Variants in KLRG1 observed in about 807,000 individuals in gnomAD.
KLRG1 encodes killer cell lectin-like receptor subfamily G member 1.
In KLRG1, 16 loss-of-function variants were observed where a neutral mutation model predicts 21.8. The observed-to-expected ratio is 0.73, with a 90% CI of 0.50 to 1.11. The LOEUF (loss-of-function observed/expected upper bound fraction) is 1.11. Ranked by LOEUF, KLRG1 falls within the 50% of genes most tolerant of loss-of-function variation. KLRG1 has a pLI of 0.00. For missense variants in KLRG1, 173 were observed against 218.3 expected (o/e 0.79, Z 1.31); for synonymous variants, 69 against 75.9 (o/e 0.91, Z 0.47).
the KLRG1 span, among the ~76,000 whole-genome samples, chr12:9,153,550 AT>A: frequency 6.6e-6 from 1 of 152,256 alleles, no homozygotes; most frequent in East Asian, 1.9e-4. Flanking sequence ...AAGGCTAATA[AT>A]GTTTATTAAT....
At chr12:9,109,417 T>C in the KLRG1 span, 6 of 1,605,076 alleles carry the variant, frequency 3.7e-6, no homozygotes, top group Non-Finnish European at 5.1e-6. Flanking sequence ...TGTTGATTGG[T>C]GATAAAGAAG....
chr12:9,144,039 G>C, the KLRG1 span, among the ~76,000 whole-genome samples: 1 of 152,236 alleles, frequency 6.6e-6, no homozygotes, highest in Middle Eastern at 3.2e-3. Flanking sequence ...TGGCATACCT[G>C]ACTTTCCCGG....
chr12:9,135,549 C>T, the KLRG1 span: 1 of 346,042 alleles, frequency 2.9e-6, no homozygotes. Context: ...TTCTCTTGGG[C>T]AGAACCAGCC....
At chr12:9,049,494 G>C in the KLRG1 span, among the ~76,000 whole-genome samples, 1 of 152,108 alleles carries the variant, frequency 6.6e-6, no homozygotes, top group Non-Finnish European at 1.5e-5. Flanking sequence ...TTGTTTCTAA[G>C]AAAATAAAAC....
rs1164926181 is a variant in KLRG1, at chr12:9,010,497, G to A, written c.*960G>A. 1 of 153,866 alleles carries A rather than the reference G, an allele frequency of 6.5e-6. No individual in the cohort carries two copies. The highest frequency in any genetic ancestry group is 6.5e-5 in the Admixed American group (1 of 15,400). 9.5% of individuals were successfully genotyped at this position (153,866 alleles called of 1,614,324 possible). Reference sequence around the variant, plus strand: ...TCACCAAATTATCTTAGGTACTAAGGCCTCAAAAATAAGAAAAACTTTATT... The same window carrying A: ...TCACCAAATTATCTTAGGTACTAAGACCTCAAAAATAAGAAAAACTTTATT... On this transcript the variant is annotated 3_prime_UTR_variant, in exon 5 of 5. Transcript: ENST00000356986.
the KLRG1 span, chr12:9,074,584 G>A: frequency 8.1e-6 from 13 of 1,612,520 alleles, no homozygotes; most frequent in African/African-American, 1.3e-5. Flanking sequence ...AACCGCCCTG[G>A]GCATTCTGCT....
the KLRG1 span, chr12:9,028,199 T>A: frequency 1.7e-6 from 1 of 588,982 alleles, no homozygotes; most frequent in South Asian, 1.9e-5. Flanking sequence ...TCACCTAGGC[T>A]GGAATGCAAT....
chr12:9,072,080 A>T, the KLRG1 span, among the ~76,000 whole-genome samples: 1 of 152,230 alleles, frequency 6.6e-6, no homozygotes, highest in Non-Finnish European at 1.5e-5. Context: ...GGATTTCATT[A>T]CATAACAAGG....
chr12:9,200,766 T>C, the KLRG1 span: 1 of 1,001,298 alleles, frequency 1.0e-6, no homozygotes, highest in Non-Finnish European at 1.5e-6. Context: ...GTCCTAATGG[T>C]CTTAGAAGCA....
At chr12:9,106,919 A>G in the KLRG1 span, among the ~76,000 whole-genome samples, 1 of 152,166 alleles carries the variant, frequency 6.6e-6, no homozygotes, top group African/African-American at 2.4e-5. Context: ...GGTACACGAG[A>G]TATTTTGTTA....
At chr12:9,164,962 C>T in the KLRG1 span, among the ~76,000 whole-genome samples, 2 of 152,182 alleles carry the variant, frequency 1.3e-5, no homozygotes, top group African/African-American at 4.8e-5. Flanking sequence ...ACCCATAGCA[C>T]ATATATCATT....
At chr12:9,164,408 C>CATGGCA in the KLRG1 span, 17 of 868,858 alleles carry the variant, frequency 2.0e-5, no homozygotes, top group South Asian at 3.3e-4. Context: ...CTTTAAGAAG[C>CATGGCA]ATGGCAATGG....
the KLRG1 span, chr12:9,107,390 T>C: frequency 8.1e-6 from 9 of 1,114,196 alleles, no homozygotes; most frequent in Middle Eastern, 2.9e-4. Context: ...ATGATTTTTT[T>C]TGAAAAATTA....
chr12:9,131,833 G>A, the KLRG1 span, among the ~76,000 whole-genome samples: 1 of 151,710 alleles, frequency 6.6e-6, no homozygotes. Context: ...CTCTTGAGTT[G>A]AATCTCACAA....
chr12:9,095,064 G>T, the KLRG1 span: 1 of 1,590,250 alleles, frequency 6.3e-7, no homozygotes, highest in Admixed American at 1.7e-5. Context: ...TTGAGTTGGT[G>T]AATGCCTTTA....
At chr12:8,989,474 A>G, upstream of KLRG1, 1 of 569,592 alleles carries the variant, frequency 1.8e-6, no homozygotes, top group Non-Finnish European at 3.1e-6. Flanking sequence ...TAATTTCTAT[A>G]GGCAGCCCCC....
At chr12:9,023,739 A>G in the KLRG1 span, among the ~76,000 whole-genome samples, 1 of 151,740 alleles carries the variant, frequency 6.6e-6, no homozygotes, top group South Asian at 2.1e-4. Flanking sequence ...AAAATTTTGT[A>G]GAGATGGGGT....
chr12:8,995,814 C>G (rs1360727777), intron 3 of KLRG1, among the ~76,000 whole-genome samples: 3 of 151,922 alleles, frequency 2.0e-5, no homozygotes, highest in Admixed American at 1.3e-4. Flanking sequence ...TCCCAAGTAG[C>G]TGGAACTACA....
chr12:9,001,590 C>T (rs1316466499), intron 3 of KLRG1, among the ~76,000 whole-genome samples: 3 of 152,176 alleles, frequency 2.0e-5, no homozygotes, highest in Admixed American at 6.5e-5. Context: ...ACCCCCTGGC[C>T]GTGGACATAT....
Sources: allele counts gnomAD v4.1 joint callset (sites outside exome capture counted in the v4.1 genomes callset), GRCh38; gene constraint gnomAD v4.1.1; transcripts MANE v1.5; gene names NCBI Gene and HGNC (gene_info 2026-07-23, HGNC 2026-07-21).